Variants in SYNPO2 observed in about 807,000 individuals in gnomAD.
SYNPO2 encodes the protein synaptopodin-2.
A neutral mutation model predicts 85.0 loss-of-function variants in SYNPO2; 56 were observed. That is an observed-to-expected ratio of 0.66 (90% CI 0.53 to 0.82). The LOEUF is 0.82. Ranked by LOEUF, SYNPO2 falls within the 40% of genes least tolerant of loss-of-function variation. The pLI, the probability that SYNPO2 is intolerant of heterozygous loss-of-function variation, is 0.00. For missense variants in SYNPO2, 1,575 were observed against 1,534.2 expected (o/e 1.03, Z -0.44); for synonymous variants, 602 against 591.1 (o/e 1.02, Z -0.27).
At chr4:118,888,837 G>T, upstream of SYNPO2, 1 of 607,176 alleles carries the variant, frequency 1.6e-6, no homozygotes, top group East Asian at 2.8e-5. Context: ...GCCTCCTTGA[G>T]AATGAGCCCA....
At chr4:119,028,763 A>C (rs563537022) in intron 3 of SYNPO2, among the ~76,000 whole-genome samples, 1 of 144,668 alleles carries the variant, frequency 6.9e-6, no homozygotes, top group Non-Finnish European at 1.5e-5. Context: ...CAATCATAAA[A>C]TAGTCAAAAA....
intron 4 of SYNPO2, among the ~76,000 whole-genome samples, chr4:119,056,479 C>T (rs1234969273): frequency 6.6e-6 from 1 of 151,956 alleles, no homozygotes; most frequent in African/African-American, 2.4e-5. Context: ...ATTGCTTGAG[C>T]CCAGGAGTTT....
intron 1 of SYNPO2, among the ~76,000 whole-genome samples, chr4:118,915,129 A>G (rs1253275087): frequency 6.6e-6 from 1 of 152,020 alleles, no homozygotes; most frequent in East Asian, 1.9e-4. Flanking sequence ...TTTACTTTGG[A>G]TAACAGGAAT....
At chr4:119,045,749 G>T (rs1738852185) in intron 4 of SYNPO2, among the ~76,000 whole-genome samples, 1 of 152,010 alleles carries the variant, frequency 6.6e-6, no homozygotes, top group Admixed American at 6.6e-5. Context: ...CTTAAATAAG[G>T]CTGTTCCTCA....
At chr4:118,895,002 C>T (rs568773173) in intron 1 of SYNPO2, among the ~76,000 whole-genome samples, 3 of 152,116 alleles carry the variant, frequency 2.0e-5, no homozygotes, top group Non-Finnish European at 4.4e-5. Flanking sequence ...ATAAAGAACA[C>T]GTGATTGATA....
upstream of SYNPO2, among the ~76,000 whole-genome samples, chr4:118,888,277 C>G (rs1454199963): frequency 6.6e-6 from 1 of 152,192 alleles, no homozygotes; most frequent in Non-Finnish European, 1.5e-5. Context: ...CTCTTTCTCT[C>G]TCCCTTTCTG....
rs189389421 is a variant in SYNPO2, at chr4:118,922,412, C to T, written c.105+33271C>T. On this transcript the variant is annotated intron_variant, in intron 1 of 4. Transcript: ENST00000307142. The stretch of plus-strand genomic sequence containing the variant: ...TATAAGCCATACAGGTAGATGATTC[C>T]TTTTGGAAGTAAAATGTATTTGTGG... Among the ~76,000 whole-genome samples the T allele has an allele frequency of 2.3e-3, 356 of 152,150 alleles. 1 individual carries two copies. Among genetic ancestry groups the T allele is most frequent in the African/African-American group, 8.2e-3 (339 of 41,548 alleles).
intron 1 of SYNPO2, among the ~76,000 whole-genome samples, chr4:118,856,653 A>G (rs780755461): frequency 6.6e-6 from 1 of 152,018 alleles, no homozygotes; most frequent in Non-Finnish European, 1.5e-5. Flanking sequence ...AGCTGGGACC[A>G]CAGGCACATA....
chr4:119,003,055 C>A (rs1050877147), intron 1 of SYNPO2, among the ~76,000 whole-genome samples: 5 of 151,896 alleles, frequency 3.3e-5, no homozygotes, highest in Admixed American at 6.6e-5. Flanking sequence ...TAGCTTTTTC[C>A]TTTTATTTTT....
At chr4:119,048,622 A>C (rs916574149) in intron 4 of SYNPO2, among the ~76,000 whole-genome samples, 2 of 152,206 alleles carry the variant, frequency 1.3e-5, no homozygotes, top group African/African-American at 4.8e-5. Flanking sequence ...ATATTTGAGT[A>C]AGTCCTGAAG....
At chr4:119,033,733 T>C (rs1412443343) in intron 4 of SYNPO2, 1 of 985,102 alleles carries the variant, frequency 1.0e-6, no homozygotes, top group Non-Finnish European at 1.2e-6. Context: ...GTCTCCTTTA[T>C]CTGTTCAATG....
chr4:118,937,759 A>T (rs1734157518), intron 1 of SYNPO2, among the ~76,000 whole-genome samples: 1 of 152,258 alleles, frequency 6.6e-6, no homozygotes. Context: ...AGTGCCTGGC[A>T]CATAATAGGT....
At chr4:118,913,663 TTGTG>T (rs960112220) in intron 1 of SYNPO2, among the ~76,000 whole-genome samples, 2 of 151,710 alleles carry the variant, frequency 1.3e-5, no homozygotes, top group Non-Finnish European at 2.9e-5. Flanking sequence ...TTTCCATAGT[TTGTG>T]TGAGGTCTTT....
At chr4:118,982,658 G>A (rs551341822) in intron 1 of SYNPO2, among the ~76,000 whole-genome samples, 24 of 152,252 alleles carry the variant, frequency 1.6e-4, no homozygotes, top group African/African-American at 5.5e-4. Context: ...TTCACAGGAT[G>A]CTAATAAACT....
chr4:118,906,106 T>C (rs1199031064), intron 1 of SYNPO2, among the ~76,000 whole-genome samples: 1 of 152,222 alleles, frequency 6.6e-6, no homozygotes, highest in Admixed American at 6.5e-5. Context: ...CAGGCTGATA[T>C]ACCTGTTGAA....
chr4:118,887,166 A>AGAGTGTGTGTGTGTGTGT (rs57115153), upstream of SYNPO2, among the ~76,000 whole-genome samples: 1 of 139,058 alleles, frequency 7.2e-6, no homozygotes, highest in Non-Finnish European at 1.6e-5. Flanking sequence ...CATCTGAGTG[A>AGAGTGTGTGTGTGTGTGT]GTGTGTGTGT....
intron 1 of SYNPO2, among the ~76,000 whole-genome samples, chr4:119,010,388 G>C (rs1737247359): frequency 1.3e-5 from 2 of 152,128 alleles, no homozygotes; most frequent in African/African-American, 4.8e-5. Flanking sequence ...GAGAAAATGA[G>C]GAAGATGCAA....
chr4:118,870,507 T>C (rs543537165), intron 1 of SYNPO2, among the ~76,000 whole-genome samples: 2 of 152,366 alleles, frequency 1.3e-5, no homozygotes, highest in East Asian at 3.9e-4. Context: ...TACACATGCA[T>C]GTGTCTTTAT....
At chr4:118,894,219 C>A (rs1220152101) in intron 1 of SYNPO2, among the ~76,000 whole-genome samples, 1 of 151,888 alleles carries the variant, frequency 6.6e-6, no homozygotes, top group Non-Finnish European at 1.5e-5. Context: ...ATGTCCCTTC[C>A]GCCCTTCCCC....
Sources: allele counts gnomAD v4.1 joint callset (sites outside exome capture counted in the v4.1 genomes callset), GRCh38; gene constraint gnomAD v4.1.1; transcripts MANE v1.5; gene names NCBI Gene and HGNC (gene_info 2026-07-23, HGNC 2026-07-21).